ZIM2: variants seen among roughly 807,000 people sequenced by gnomAD.
ZIM2 encodes zinc finger imprinted 2, also known as zinc finger protein 656.
A neutral mutation model predicts 38.6 loss-of-function variants in ZIM2; 14 were observed. The observed-to-expected ratio is 0.36, with a 90% CI of 0.24 to 0.57. The LOEUF (loss-of-function observed/expected upper bound fraction) is 0.57, where lower values mean the gene tolerates loss of function less well. ZIM2 is among the 20% of genes least tolerant of loss of function. The pLI is 0.81. For synonymous variants in ZIM2, 247 were observed against 245.8 expected (o/e 1.00, Z -0.04); for missense variants, 680 against 695.1 (o/e 0.98, Z 0.24).
intron 7 of ZIM2, among the ~76,000 whole-genome samples, chr19:56,819,340 G>A (rs1458134493): frequency 6.6e-6 from 1 of 152,210 alleles, no homozygotes; most frequent in East Asian, 1.9e-4. Context: ...TAAGCCCTGA[G>A]GGCATTTTTA....
At position 56,824,346 on chromosome 19, in the gene ZIM2, G is replaced by C; in HGVS notation, c.-69C>G. The stretch of plus-strand genomic sequence containing the variant: ...TCCGGCTTTTTTGCTCGCACCCAAG[G>C]CTTGAGCTTTTCAGGGATGATGGTC... On this transcript the variant is annotated 5_prime_UTR_variant, in exon 4 of 13. Coordinates refer to ENST00000629319, the MANE Select transcript of ZIM2 (RefSeq NM_001387356.1). The C allele has an allele frequency of 1.2e-6, 2 of 1,614,054 alleles. No individual in the cohort carries two copies. Among genetic ancestry groups the C allele is most frequent in the Non-Finnish European group, 1.7e-6 (2 of 1,180,014 alleles).
At chr19:56,838,498 G>A (rs2062477730) in intron 1 of ZIM2, among the ~76,000 whole-genome samples, 1 of 152,134 alleles carries the variant, frequency 6.6e-6, no homozygotes, top group East Asian at 1.9e-4. Context: ...TGCACAACCC[G>A]CCTCGCAGCT....
chr19:56,795,635 CGAG>C (rs1369042101), intron 9 of ZIM2, among the ~76,000 whole-genome samples: 2 of 152,084 alleles, frequency 1.3e-5, no homozygotes, highest in African/African-American at 2.4e-5. Context: ...GTTGGTACGG[CGAG>C]GAGAAGGGCG....
chr19:56,828,256 T>C (rs1054971896), intron 2 of ZIM2, among the ~76,000 whole-genome samples: 1 of 152,170 alleles, frequency 6.6e-6, no homozygotes, highest in African/African-American at 2.4e-5. Context: ...TGAAAGTCAA[T>C]TTAGAAAACC....
chr19:56,840,400 CCA>C (rs1439562339), intron 1 of ZIM2, among the ~76,000 whole-genome samples, 180 bp downstream of exon 1: 7 of 152,328 alleles, frequency 4.6e-5, no homozygotes, highest in African/African-American at 1.7e-4. Flanking sequence ...GCCACTGTGC[CCA>C]CTCTCGGACT....
Position 56,804,883 on chromosome 19 carries a change from T to G in ZIM2, c.490+12863A>C, listed in dbSNP as rs75022740. Reference sequence around the variant, plus strand: ...TGAGGAAACTGAGGCACAGAATAGTTAAGGAAATAACCCAAGATTGACAGC... The same window carrying G: ...TGAGGAAACTGAGGCACAGAATAGTGAAGGAAATAACCCAAGATTGACAGC... On this transcript the variant is annotated intron_variant, in intron 9 of 12. Coordinates refer to ENST00000629319, the MANE Select transcript of ZIM2 (RefSeq NM_001387356.1). 2.0e-5 allele frequency among the ~76,000 whole-genome samples: 3 copies of G among 152,174 alleles called. No homozygotes were observed. In the East Asian group the frequency reaches 5.8e-4, roughly 29 times the overall value.
intron 12 of ZIM2, 111 bp downstream of exon 12, chr19:56,779,266 G>T (rs2046194683): frequency 1.9e-6 from 2 of 1,032,698 alleles, no homozygotes; most frequent in Non-Finnish European, 2.9e-6. Flanking sequence ...GTACTGAGGA[G>T]AAAGGGCACC....
chr19:56,817,574 T>C (rs755601103), intron 9 of ZIM2, 172 bp downstream of exon 9: 1 of 1,586,330 alleles, frequency 6.3e-7, no homozygotes, highest in African/African-American at 1.4e-5. Flanking sequence ...GGCATAGTTT[T>C]TAGACCTGGA....
chr19:56,831,052 G>A (rs768684254), intron 2 of ZIM2, among the ~76,000 whole-genome samples: 5 of 152,154 alleles, frequency 3.3e-5, no homozygotes, highest in Non-Finnish European at 7.3e-5. Flanking sequence ...TTTTGAGGTG[G>A]GGAGTTTTGA....
intron 9 of ZIM2, chr19:56,816,771 A>G (rs1262859231): frequency 6.2e-7 from 1 of 1,614,130 alleles, no homozygotes; most frequent in African/African-American, 1.3e-5. Flanking sequence ...TGTCTTTGCC[A>G]TATATTTTCT....
rs971251595 is a variant in ZIM2, at chr19:56,810,390, C to T, written c.490+7356G>A. 5.1e-6 allele frequency: 5 copies of T among 985,246 alleles called. No homozygotes were observed. The African/African-American group carries it at 8.7e-5, about 17-fold the overall frequency. The allele number at this position is 985,246 out of a possible 1,614,324, so 61.0% of individuals were successfully genotyped here. ...TAACCATAATCCCACAACAACCACA[C>T]AACTATTTCTTGTTTTTCATCTTTC... On this transcript the variant is annotated intron_variant, in intron 9 of 12. Coordinates refer to ENST00000629319, the MANE Select transcript of ZIM2 (RefSeq NM_001387356.1).
chr19:56,789,601 T>C (rs2046816504), intron 10 of ZIM2, among the ~76,000 whole-genome samples: 1 of 151,880 alleles, frequency 6.6e-6, no homozygotes, highest in South Asian at 2.1e-4. Context: ...AAATATTAAA[T>C]ATATAGTATG....
chr19:56,796,087 G>A (rs2047210863), intron 9 of ZIM2, among the ~76,000 whole-genome samples: 1 of 152,120 alleles, frequency 6.6e-6, no homozygotes, highest in Admixed American at 6.5e-5. Flanking sequence ...CCCCACCAAT[G>A]TTTCTTTATA....
chr19:56,816,621 G>C (rs150196995), intron 9 of ZIM2: 25 of 1,613,736 alleles, frequency 1.5e-5, no homozygotes, highest in Non-Finnish European at 2.0e-5. Flanking sequence ...TGGGCCTAAA[G>C]GTTTCCCCGC....
Position 56,814,329 on chromosome 19 carries a change from G to GGCTGCT in ZIM2, c.490+3411_490+3416dup, listed in dbSNP as rs772779692. On this transcript the variant is annotated intron_variant, in intron 9 of 12. Coordinates refer to ENST00000629319, the MANE Select transcript of ZIM2 (RefSeq NM_001387356.1). This position sits in a 1 kb window ranked among gnomAD's most constrained non-coding sequence, Gnocchi z 5.8. ...CATGGACATTGGCTTCAACTTCCTG[G>GGCTGCT]GCTGCTGCTGCTGCAGCTGCTGCTG... 2.5e-6 allele frequency: 4 copies of GGCTGCT among 1,613,852 alleles called. No individual in the cohort carries two copies. The highest frequency in any genetic ancestry group is 2.2e-5 in the East Asian group (1 of 44,868).
chr19:56,815,060 C>T (rs1318880174), intron 9 of ZIM2: 3 of 1,614,000 alleles, frequency 1.9e-6, no homozygotes, highest in African/African-American at 1.3e-5. Context: ...CTGCTGTGGA[C>T]TTTCTGATGG....
intron 4 of ZIM2, among the ~76,000 whole-genome samples, chr19:56,824,045 C>T (rs1420833731): frequency 6.6e-6 from 1 of 152,112 alleles, no homozygotes; most frequent in Non-Finnish European, 1.5e-5. Flanking sequence ...GAGGTTTTGG[C>T]GACCAGGGGA....
At chr19:56,837,601 G>A (rs1389619966) in intron 1 of ZIM2, among the ~76,000 whole-genome samples, 2 of 152,262 alleles carry the variant, frequency 1.3e-5, no homozygotes, top group African/African-American at 4.8e-5. Flanking sequence ...CACCAGCCAT[G>A]AGGGCACGCT....
chr19:56,797,272 A>G (rs1774930430), intron 9 of ZIM2, among the ~76,000 whole-genome samples: 1 of 152,120 alleles, frequency 6.6e-6, no homozygotes, highest in South Asian at 2.1e-4. Flanking sequence ...ACTGCACTCC[A>G]GCCTGGGCAA....
Sources: gnomAD v4.1 joint callset for allele counts (sites outside exome capture counted in the v4.1 genomes callset) on GRCh38, gnomAD v4.1.1 for gene constraint, Gnocchi (gnomAD v3.1) non-coding constraint, MANE v1.5 for transcripts, NCBI Gene and HGNC (gene_info 2026-07-23, HGNC 2026-07-21) for gene names.